ITGA6: variants seen among roughly 807,000 people sequenced by gnomAD.
ITGA6 encodes integrin subunit alpha 6.
Under a neutral mutation model 133.6 loss-of-function variants are expected in ITGA6, and 63 were observed. That is an observed-to-expected ratio of 0.47 (90% CI 0.38 to 0.58). ITGA6 has a LOEUF of 0.58. Ranked by LOEUF, ITGA6 falls within the 20% of genes least tolerant of loss-of-function variation. The pLI is 0.00. For synonymous variants in ITGA6, 434 were observed against 482.0 expected (o/e 0.90, Z 1.30); for missense variants, 1,068 against 1,309.4 (o/e 0.82, Z 2.85).
At chr2:172,476,670 TAAC>T (rs137960419) in intron 9 of ITGA6, among the ~76,000 whole-genome samples, 157 bp downstream of exon 9, 2,308 of 152,276 alleles carry the variant, frequency 0.015, 55 homozygotes, top group African/African-American at 0.052. Context: ...AACAATGTAA[TAAC>T]AACCTATTTT....
In ITGA6 at chr2:172,489,434, AAT is replaced by A. The variant is rs1491489678; in HGVS notation, c.2506-50_2506-49del. Reference sequence around the variant, plus strand: ...TCTTGGTAAAAGGAGCTGCTACTTAAATTTACATTGAGAAGATTAGACTGAGA... The same window carrying A: ...TCTTGGTAAAAGGAGCTGCTACTTAATTACATTGAGAAGATTAGACTGAGA... On this transcript the variant is annotated intron_variant, in intron 19 of 25. Transcript: ENST00000684293. The A allele has an allele frequency of 2.1e-6, 3 of 1,433,644 alleles. No homozygotes were observed. In the South Asian group the frequency reaches 3.5e-5, roughly 17 times the overall value. 88.8% of individuals were successfully genotyped at this position (1,433,644 alleles called of 1,614,324 possible). A position where few individuals can be genotyped will look rare whatever the true frequency, so the allele number is the denominator to read the frequency against.
rs570633892 is a variant in ITGA6, at chr2:172,479,120, G to C, written c.1389-521G>C. 2.6e-5 allele frequency among the ~76,000 whole-genome samples: 4 copies of C among 152,290 alleles called. No homozygotes were observed. The East Asian group carries it at 7.7e-4, about 29-fold the overall frequency. On this transcript the variant is annotated intron_variant, in intron 9 of 25. Transcript: ENST00000684293. ...GTGAATGTCTACCGATTAGGTACTG[G>C]TTAAATAAAGGATGTTACACTGATA... is the stretch of plus-strand genomic sequence containing the variant.
intron 1 of ITGA6, among the ~76,000 whole-genome samples, chr2:172,447,425 G>A (rs888137994): frequency 6.6e-6 from 1 of 151,850 alleles, no homozygotes; most frequent in Non-Finnish European, 1.5e-5. Flanking sequence ...GGCTGGCCTC[G>A]AACTCCTGAT....
intron 1 of ITGA6, among the ~76,000 whole-genome samples, chr2:172,441,558 TTAAAAAAAAAAAAAAAAAAAAAAA>T (rs1684541925): frequency 1.5e-5 from 1 of 64,858 alleles, no homozygotes; most frequent in Non-Finnish European, 2.9e-5. Flanking sequence ...CGCTGTCTCT[TTAAAAAAAAAAAAAAAAAAAAAAA>T]AAAAAAAAAA....
chr2:172,432,454 C>T (rs529817100), intron 1 of ITGA6, among the ~76,000 whole-genome samples: 29 of 152,360 alleles, frequency 1.9e-4, no homozygotes, highest in Admixed American at 1.6e-3. Flanking sequence ...CTTGCAAATA[C>T]AATAGAGACT....
In ITGA6 at chr2:172,446,959, G is replaced by A. The variant is rs966235169; in HGVS notation, c.183-18580G>A. ...GTTGCCCAGGCTGGAGTGCAGTGGCGCAATCTTGGCTTAGTGCAACCTCCA... is the reference window on the plus strand; with the variant it reads ...GTTGCCCAGGCTGGAGTGCAGTGGCACAATCTTGGCTTAGTGCAACCTCCA... On this transcript the variant is annotated intron_variant, in intron 1 of 25. Transcript: ENST00000684293. Among the ~76,000 whole-genome samples the A allele has an allele frequency of 7.9e-5, 12 of 152,198 alleles. No individual in the cohort carries two copies. In the East Asian group the frequency reaches 9.7e-4, roughly 12 times the overall value.
chr2:172,502,452 G>A (rs74619114), intron 25 of ITGA6, among the ~76,000 whole-genome samples: 2 of 152,092 alleles, frequency 1.3e-5, no homozygotes, highest in Admixed American at 6.6e-5. Flanking sequence ...GCTTTTTACT[G>A]TTGCTCAGGA....
rs988297861 is a variant in ITGA6 at position 172,487,061 on chromosome 2, A to G, written c.1893A>G (p.Val631=). The change falls in exon 14 of 26, where the codon GTA becomes GTG. Residue 631 remains valine, a synonymous_variant. Coordinates refer to ENST00000684293, the MANE Select transcript of ITGA6 (RefSeq NM_000210.4). The part of the protein sequence containing the change: ...FLKEGCGDDN[V]CNSNLKLEYK... ...AAGAGGGATGTGGAGACGACAATGT[A>G]TGTAACAGCAACCTTAAACTAGAAT... 1.2e-6 allele frequency: 2 copies of G among 1,612,756 alleles called. No homozygotes were observed. The highest frequency in any genetic ancestry group is 1.3e-5 in the African/African-American group (1 of 74,894).
chr2:172,428,966 A>G (rs901585589), intron 1 of ITGA6, among the ~76,000 whole-genome samples: 1 of 152,236 alleles, frequency 6.6e-6, no homozygotes, highest in African/African-American at 2.4e-5. Flanking sequence ...AGGCTGTAGC[A>G]ACAAAAGGTC....
chr2:172,449,002 G>T (rs1684877164), intron 1 of ITGA6, among the ~76,000 whole-genome samples: 1 of 152,174 alleles, frequency 6.6e-6, no homozygotes, highest in South Asian at 2.1e-4. Context: ...AATTGACAGT[G>T]TTTATGGGGT....
chr2:172,500,288 G>T (rs1687295113), intron 24 of ITGA6, among the ~76,000 whole-genome samples: 1 of 151,744 alleles, frequency 6.6e-6, no homozygotes, highest in African/African-American at 2.4e-5. Context: ...CCTTCATTTT[G>T]CTAACAAAGA....
intron 1 of ITGA6, among the ~76,000 whole-genome samples, chr2:172,455,290 C>T (rs1685166316): frequency 6.6e-6 from 1 of 152,214 alleles, no homozygotes; most frequent in African/African-American, 2.4e-5. Context: ...TTGCTGCTCA[C>T]AGAGCAGTGG....
In ITGA6 at chr2:172,438,660, C is replaced by G. The variant is rs140629818; in HGVS notation, c.182+10690C>G. ...TGAGGATAAAGCACTTAGCAGAGTGCCCGGCATATCCAATCAACATCAGCC... is the reference window on the plus strand; with the variant it reads ...TGAGGATAAAGCACTTAGCAGAGTGGCCGGCATATCCAATCAACATCAGCC... On this transcript the variant is annotated intron_variant, in intron 1 of 25. Coordinates refer to ENST00000684293, the MANE Select transcript of ITGA6 (RefSeq NM_000210.4). Among the ~76,000 whole-genome samples, 90 of 151,922 alleles carry G rather than the reference C, an allele frequency of 5.9e-4. 1 individual carries two copies. The highest frequency in any genetic ancestry group is 2.0e-3 in the African/African-American group (83 of 41,544).
At chr2:172,468,122 A>G (rs1685763712) in intron 3 of ITGA6, among the ~76,000 whole-genome samples, 2 of 152,380 alleles carry the variant, frequency 1.3e-5, no homozygotes, top group South Asian at 4.1e-4. Context: ...GGTATTAAAA[A>G]CAAAACAAAA....
chr2:172,445,354 CAA>C (rs1027666620), intron 1 of ITGA6, among the ~76,000 whole-genome samples: 2 of 104,800 alleles, frequency 1.9e-5, no homozygotes, highest in Admixed American at 9.9e-5. Flanking sequence ...TTTTTTTTAA[CAA>C]AAAAAAAAAA....
chr2:172,461,557 G>T (rs528450788), intron 1 of ITGA6, among the ~76,000 whole-genome samples: 51 of 152,178 alleles, frequency 3.4e-4, no homozygotes, highest in African/African-American at 1.2e-3. Flanking sequence ...TTGTCACATA[G>T]CTCTTTCCTC....
At chr2:172,450,783 C>T (rs900284833) in intron 1 of ITGA6, among the ~76,000 whole-genome samples, 1 of 147,356 alleles carries the variant, frequency 6.8e-6, no homozygotes. Flanking sequence ...GGCGGAACCC[C>T]ATTTCTACTA....
At chr2:172,427,584 A>C, upstream of ITGA6, 1 of 1,257,186 alleles carries the variant, frequency 8.0e-7, no homozygotes, top group South Asian at 2.8e-5. Context: ...TCTCCAGAGA[A>C]CAACGGGCTC....
At position 172,501,789 on chromosome 2, in the gene ITGA6, A is replaced by G. The variant is rs143159110; in HGVS notation, c.3132A>G (p.Arg1044=). The change falls in exon 25 of 26, where the codon AGA becomes AGG. Residue 1044 remains arginine, a synonymous_variant. Transcript: ENST00000684293. The part of the protein sequence containing the change: ...FILWKCGFFK[R]NKKDHYDATY... The stretch of plus-strand genomic sequence containing the variant: ...CCTTGTAGTGTGGTTTCTTCAAGAG[A>G]AATAAGAAAGATCATTATGATGCCA... 100 of 1,612,606 alleles carry G rather than the reference A, an allele frequency of 6.2e-5. No individual in the cohort carries two copies. The highest frequency in any genetic ancestry group is 3.3e-5 in the Admixed American group (2 of 60,006).
Sources: allele counts gnomAD v4.1 joint callset (sites outside exome capture counted in the v4.1 genomes callset), GRCh38; gene constraint gnomAD v4.1.1; transcripts MANE v1.5; gene names NCBI Gene and HGNC (gene_info 2026-07-23, HGNC 2026-07-21).